Variants in ANO2 observed in about 807,000 individuals in gnomAD.
The protein encoded by ANO2 is anoctamin-2.
A neutral mutation model predicts 124.2 loss-of-function variants in ANO2; 101 were observed. The ratio of observed to expected loss-of-function variants is 0.81; its 90% CI spans 0.69 to 0.96. ANO2 has a LOEUF of 0.96. Among genes scored for constraint, ANO2 ranks in the 40% least tolerant of loss-of-function variants. The pLI is 0.00. For synonymous variants in ANO2, 486 were observed against 482.5 expected, an observed-to-expected ratio of 1.01 and a Z score of -0.09; for missense variants, 1,293 against 1,274.5, an observed-to-expected ratio of 1.01 and a Z score of -0.22.
At chr12:5,579,996 T>C (rs920042135) in intron 20 of ANO2, among the ~76,000 whole-genome samples, 2 of 152,182 alleles carry the variant, frequency 1.3e-5, no homozygotes, top group African/African-American at 2.4e-5. Flanking sequence ...TGTGATTGAC[T>C]TGCTCACACA....
At chr12:5,759,575 A>T (rs1373100874) in intron 10 of ANO2, among the ~76,000 whole-genome samples, 1 of 149,672 alleles carries the variant, frequency 6.7e-6, no homozygotes, top group African/African-American at 2.5e-5. Context: ...TTCTCAAAGG[A>T]GCATGAACCC....
At chr12:5,812,855 C>CAGAAGGAAGGAAGGAGAAGGAA (rs200281215) in intron 7 of ANO2, among the ~76,000 whole-genome samples, 1,711 of 127,244 alleles carry the variant, frequency 0.013, 44 homozygotes, top group African/African-American at 0.05. Flanking sequence ...AGGAGAAGGA[C>CAGAAGGAAGGAAGGAGAAGGAA]AGAAGGAAGG....
chr12:5,924,939 T>C (rs1277612010), intron 1 of ANO2, among the ~76,000 whole-genome samples: 1 of 152,196 alleles, frequency 6.6e-6, no homozygotes, highest in Non-Finnish European at 1.5e-5. Context: ...TTGGTTTACA[T>C]GTGATGGGGC....
intron 15 of ANO2, among the ~76,000 whole-genome samples, chr12:5,640,227 C>A (rs959051617): frequency 1.3e-5 from 2 of 152,140 alleles, no homozygotes; most frequent in Admixed American, 1.3e-4. Flanking sequence ...TTCCTAATGC[C>A]CATGGTCCTG....
intron 14 of ANO2, among the ~76,000 whole-genome samples, chr12:5,667,425 C>G (rs911014049): frequency 6.6e-6 from 1 of 151,762 alleles, no homozygotes; most frequent in Non-Finnish European, 1.5e-5. Flanking sequence ...ATGAAGACTC[C>G]TAGTTCATGA....
chr12:5,717,709 G>A (rs2137047747), intron 14 of ANO2, among the ~76,000 whole-genome samples: 1 of 152,272 alleles, frequency 6.6e-6, no homozygotes, highest in African/African-American at 2.4e-5. Context: ...TCTCACTGTA[G>A]GCAGGAGCCT....
chr12:5,607,063 TAAA>T (rs60199743), intron 19 of ANO2, among the ~76,000 whole-genome samples: 1 of 145,420 alleles, frequency 6.9e-6, no homozygotes. Flanking sequence ...TGCCTCTATT[TAAA>T]AAAAAAAAAA....
At chr12:5,776,806 C>A (rs1160050118) in intron 10 of ANO2, among the ~76,000 whole-genome samples, 2 of 152,222 alleles carry the variant, frequency 1.3e-5, no homozygotes, top group Non-Finnish European at 2.9e-5. Context: ...TGTAGAATTT[C>A]AGCAGAACTT....
At chr12:5,800,269 C>T (rs1254804685) in intron 9 of ANO2, among the ~76,000 whole-genome samples, 5 of 152,100 alleles carry the variant, frequency 3.3e-5, no homozygotes, top group Non-Finnish European at 4.4e-5. Context: ...ACGGGGAGAA[C>T]GTGGGAGACA....
In ANO2 at chr12:5,612,933, C is replaced by G. The variant is rs755546576; in HGVS notation, c.1954G>C (p.Val652Leu). The change falls in exon 18 of 25, where the codon GTC becomes CTC. Residue 652 changes from valine to leucine, a missense_variant. Val to Leu is a conservative substitution (Grantham distance 32). Coordinates refer to ENST00000682330, the MANE Select transcript of ANO2 (RefSeq NM_001364791.2). ...ATGCGGTAACCATCGAATACATAGACGTAGCTTCCAGGCCTGCCCACAAAC... is the reference window on the plus strand; with the variant it reads ...ATGCGGTAACCATCGAATACATAGAGGTAGCTTCCAGGCCTGCCCACAAAC... The part of the protein sequence containing the change: ...GRFVGRPGSY[V>L]YVFDGYRMEE... 3 of 1,613,886 alleles carry G rather than the reference C, an allele frequency of 1.9e-6. No individual in the cohort carries two copies. The highest frequency in any genetic ancestry group is 1.3e-5 in the African/African-American group (1 of 75,010).
rs186344180 is a variant in ANO2, at chr12:5,845,451, C to G, written c.633+8592G>C. 6.1e-4 allele frequency among the ~76,000 whole-genome samples: 92 copies of G among 151,640 alleles called. No homozygotes were observed. In the East Asian group the frequency reaches 0.017, roughly 27 times the overall value. Reference sequence around the variant, plus strand: ...GCGTGGTGGCAGGCACCTGTAGTCCCAGCTACTCAGGAGGCTGAGGCCGGA... The same window carrying G: ...GCGTGGTGGCAGGCACCTGTAGTCCGAGCTACTCAGGAGGCTGAGGCCGGA... On this transcript the variant is annotated intron_variant, in intron 4 of 24. Coordinates refer to ENST00000682330, the MANE Select transcript of ANO2 (RefSeq NM_001364791.2).
intron 10 of ANO2, among the ~76,000 whole-genome samples, chr12:5,774,721 T>C (rs543672005): frequency 8.5e-5 from 13 of 152,278 alleles, no homozygotes; most frequent in African/African-American, 3.1e-4. Context: ...AGGGCTGCTC[T>C]TCACAGAGAC....
At chr12:5,926,884 C>T (rs749406760) in intron 1 of ANO2, among the ~76,000 whole-genome samples, 23 of 152,190 alleles carry the variant, frequency 1.5e-4, no homozygotes, top group Non-Finnish European at 2.8e-4. Flanking sequence ...TTAGTTTTTA[C>T]TTCGGTGATT....
Position 5,915,026 on chromosome 12 carries a change from G to A in ANO2, c.534+6014C>T, listed in dbSNP as rs199573081. ...GTTCAGCTCACCCACTCGCAGTCCC[G>A]CCAGGACTACAGGAAACTCTCTGGA... On this transcript the variant is annotated intron_variant, in intron 3 of 24. Coordinates refer to ENST00000682330, the MANE Select transcript of ANO2 (RefSeq NM_001364791.2). 6.6e-5 allele frequency among the ~76,000 whole-genome samples: 10 copies of A among 152,218 alleles called. No individual in the cohort carries two copies. The East Asian group carries it at 1.4e-3, about 21-fold the overall frequency.
At chr12:5,738,129 A>G (rs538690905) in intron 13 of ANO2, among the ~76,000 whole-genome samples, 1 of 152,334 alleles carries the variant, frequency 6.6e-6, no homozygotes, top group South Asian at 2.1e-4. Context: ...GGTAGATTCC[A>G]TTCCAAGCTG....
chr12:5,647,822 A>T, intron 14 of ANO2, 21 bp from the exon 15 acceptor site: 2 of 1,577,876 alleles, frequency 1.3e-6, no homozygotes, highest in Non-Finnish European at 1.7e-6. Context: ...ACGGGAGAGT[A>T]GAGACAATCA....
At chr12:5,798,732 T>C (rs137929695) in intron 10 of ANO2, among the ~76,000 whole-genome samples, 1 of 152,336 alleles carries the variant, frequency 6.6e-6, no homozygotes, top group African/African-American at 2.4e-5. Context: ...CAAAGAGGAA[T>C]TGGGGCTTGC....
At chr12:5,687,085 T>C (rs1948740348) in intron 14 of ANO2, among the ~76,000 whole-genome samples, 1 of 152,248 alleles carries the variant, frequency 6.6e-6, no homozygotes, top group Non-Finnish European at 1.5e-5. Context: ...AAAATCATTT[T>C]AACCAACTGA....
At chr12:5,849,579 CTGT>C (rs1364446863) in intron 4 of ANO2, among the ~76,000 whole-genome samples, 1 of 152,332 alleles carries the variant, frequency 6.6e-6, no homozygotes, top group Non-Finnish European at 1.5e-5. Flanking sequence ...GCTGGCTCTT[CTGT>C]TGTTGTTTTT....
Sources: gnomAD v4.1 joint callset for allele counts (sites outside exome capture counted in the v4.1 genomes callset) on GRCh38, gnomAD v4.1.1 for gene constraint, MANE v1.5 for transcripts, NCBI Gene and HGNC (gene_info 2026-07-23, HGNC 2026-07-21) for gene names.